Variants in ANXA3 observed in about 807,000 individuals in gnomAD.
ANXA3 encodes the protein 35-alpha calcimedin.
A neutral mutation model predicts 48.8 loss-of-function variants in ANXA3; 46 were observed. That is an observed-to-expected ratio of 0.94 (90% CI 0.74 to 1.21). The LOEUF (loss-of-function observed/expected upper bound fraction) is 1.21. Among genes scored for constraint, ANXA3 ranks in the 50% most tolerant of loss-of-function variants. The pLI is 0.00. For synonymous variants in ANXA3, 128 were observed against 134.7 expected (o/e 0.95, Z 0.35); for missense variants, 383 against 378.6 (o/e 1.01, Z -0.10).
intron 2 of ANXA3, among the ~76,000 whole-genome samples, chr4:78,560,481 A>G (rs574342593): frequency 1.3e-5 from 2 of 152,326 alleles, no homozygotes; most frequent in South Asian, 4.1e-4. Flanking sequence ...CAGAGCCTCC[A>G]TGCCCTCTCC....
At chr4:78,604,834 T>C (rs1723615169) in intron 12 of ANXA3, among the ~76,000 whole-genome samples, 1 of 152,356 alleles carries the variant, frequency 6.6e-6, no homozygotes, top group East Asian at 1.9e-4. Context: ...TCTCATTTTA[T>C]TTAACAGCTG....
chr4:78,574,537 G>T (rs1339851224), intron 3 of ANXA3, among the ~76,000 whole-genome samples: 1 of 152,180 alleles, frequency 6.6e-6, no homozygotes, highest in Non-Finnish European at 1.5e-5. Context: ...TCATTCCCAT[G>T]AAACTTTTAA....
intron 8 of ANXA3, 103 bp downstream of exon 8, chr4:78,595,540 C>CT (rs112477936): frequency 0.1 from 92,473 of 918,974 alleles, 73 homozygotes; most frequent in East Asian, 0.11. Flanking sequence ...AGGGACTTTT[C>CT]TTTTTTTTTT....
At chr4:78,555,519 G>T (rs1376589967) in intron 2 of ANXA3, among the ~76,000 whole-genome samples, 2 of 152,052 alleles carry the variant, frequency 1.3e-5, no homozygotes, top group African/African-American at 4.8e-5. Context: ...GACATAAAAA[G>T]AATTATAAAT....
chr4:78,552,078 G>A lies in ANXA3; in HGVS notation c.-39+219G>A, dbSNP rs1215097982. The A allele has an allele frequency of 3.9e-5, 6 of 152,480 alleles. No homozygotes were observed. The East Asian group carries it at 1.2e-3, about 29-fold the overall frequency. The allele number at this position is 152,480 out of a possible 1,614,324, so 9.4% of individuals were successfully genotyped here. A position where few individuals can be genotyped will look rare whatever the true frequency, so the allele number is the denominator to read the frequency against. Reference sequence around the variant, plus strand: ...TGCATTTCAGAGTCGAGGAGACTGGGCCCACGGGGGGGAAAGTGCCGTGCC... The same window carrying A: ...TGCATTTCAGAGTCGAGGAGACTGGACCCACGGGGGGGAAAGTGCCGTGCC... On this transcript the variant is annotated intron_variant, in intron 1 of 12. Transcript: ENST00000264908.
intron 10 of ANXA3, among the ~76,000 whole-genome samples, chr4:78,599,918 C>T (rs1181147185): frequency 1.3e-5 from 2 of 151,900 alleles, no homozygotes; most frequent in African/African-American, 4.8e-5. Flanking sequence ...AAAGTGAGAT[C>T]CCATCTCTAA....
chr4:78,583,588 C>T (rs1009183981), intron 5 of ANXA3, among the ~76,000 whole-genome samples: 1 of 150,790 alleles, frequency 6.6e-6, no homozygotes, highest in Non-Finnish European at 1.5e-5. Context: ...CGTGCCACTG[C>T]ACTCCAGCCT....
chr4:78,552,359 C>T (rs962355425), intron 1 of ANXA3: 2 of 152,256 alleles, frequency 1.3e-5, no homozygotes, highest in African/African-American at 2.4e-5. Flanking sequence ...AGCATCTTCT[C>T]CCCCTCACAT....
intron 2 of ANXA3, among the ~76,000 whole-genome samples, chr4:78,561,386 G>C (rs573631702): frequency 6.6e-6 from 1 of 152,260 alleles, no homozygotes; most frequent in South Asian, 2.1e-4. Flanking sequence ...GTGCTAACAT[G>C]AGAGAGAAAT....
chr4:78,581,944 G>A (rs988685301), intron 4 of ANXA3, among the ~76,000 whole-genome samples: 3 of 152,162 alleles, frequency 2.0e-5, no homozygotes, highest in African/African-American at 7.2e-5. Context: ...TGGCACTCAT[G>A]GAATCCTCCC....
At chr4:78,591,440 T>A (rs568416687) in intron 6 of ANXA3, 104 bp from the exon 7 acceptor site, 1 of 746,174 alleles carries the variant, frequency 1.3e-6, no homozygotes, top group Non-Finnish European at 2.4e-6. Context: ...ATTTATCTTA[T>A]CACATACCCA....
chr4:78,568,823 T>C (rs1722782562), intron 2 of ANXA3, among the ~76,000 whole-genome samples: 1 of 152,142 alleles, frequency 6.6e-6, no homozygotes, highest in African/African-American at 2.4e-5. Context: ...CGAAGGATGA[T>C]TTTAGAAGAT....
intron 2 of ANXA3, among the ~76,000 whole-genome samples, chr4:78,566,629 A>T (rs912008456): frequency 2.8e-5 from 4 of 144,118 alleles, no homozygotes; most frequent in Non-Finnish European, 6.1e-5. Context: ...ACATTGATAT[A>T]GAGAACGGAA....
intron 12 of ANXA3, among the ~76,000 whole-genome samples, chr4:78,609,194 C>G (rs1179388648): frequency 1.3e-5 from 2 of 152,126 alleles, no homozygotes; most frequent in African/African-American, 4.8e-5. Context: ...CTGAGACTTC[C>G]TTTATATTAC....
intron 2 of ANXA3, 42 bp downstream of exon 2, chr4:78,554,530 A>G (rs770909434): frequency 1.0e-5 from 16 of 1,592,076 alleles, no homozygotes; most frequent in Non-Finnish European, 1.4e-5. Context: ...AACATATATG[A>G]GTCAAACCAA....
intron 2 of ANXA3, among the ~76,000 whole-genome samples, chr4:78,559,256 A>AT (rs1490834322): frequency 9.2e-5 from 14 of 151,910 alleles, no homozygotes; most frequent in Non-Finnish European, 1.6e-4. Flanking sequence ...AATTTTTAAA[A>AT]TTTTTTTATA....
At chr4:78,590,291 A>G (rs1034887557) in intron 6 of ANXA3, among the ~76,000 whole-genome samples, 2 of 152,218 alleles carry the variant, frequency 1.3e-5, no homozygotes, top group African/African-American at 4.8e-5. Context: ...ATTTAGAAAA[A>G]TAACACACTT....
At chr4:78,600,268 T>C (rs1723506548) in intron 10 of ANXA3, among the ~76,000 whole-genome samples, 2 of 152,168 alleles carry the variant, frequency 1.3e-5, no homozygotes, top group South Asian at 2.1e-4. Flanking sequence ...CTGCCTATGG[T>C]GCTGGGTGAT....
At chr4:78,565,313 C>T (rs1410563237) in intron 2 of ANXA3, among the ~76,000 whole-genome samples, 2 of 152,050 alleles carry the variant, frequency 1.3e-5, no homozygotes, top group African/African-American at 2.4e-5. Flanking sequence ...CCCTTGGCTG[C>T]TATGTGGGAA....
Sources: allele counts gnomAD v4.1 joint callset (sites outside exome capture counted in the v4.1 genomes callset), GRCh38; gene constraint gnomAD v4.1.1; transcripts MANE v1.5; gene names NCBI Gene and HGNC (gene_info 2026-07-23, HGNC 2026-07-21).